IL1RAPL1: variants seen among roughly 807,000 people sequenced by gnomAD.
IL1RAPL1 encodes the protein interleukin-1 receptor accessory protein-like 1.
A neutral mutation model predicts 48.4 loss-of-function variants in IL1RAPL1; 3 were observed. The observed-to-expected ratio is 0.06, with a 90% CI of 0.03 to 0.16. IL1RAPL1 has a LOEUF of 0.16. IL1RAPL1 is among the 10% of genes least tolerant of loss of function. IL1RAPL1 has a pLI of 1.00. For synonymous variants in IL1RAPL1, 185 were observed against 187.7 expected (o/e 0.99, Z 0.12); for missense variants, 349 against 530.6 (o/e 0.66, Z 3.36).
chrX:28,650,490 C>T (rs1403799493), intron 1 of IL1RAPL1, among the ~76,000 whole-genome samples: 2 of 111,476 alleles, frequency 1.8e-5, no homozygotes, highest in African/African-American at 3.3e-5. Context: ...AAGACCTGCC[C>T]CCATGATTCA....
chrX:28,621,027 A>G (rs1306400677), intron 1 of IL1RAPL1, among the ~76,000 whole-genome samples: 1 of 112,102 alleles, frequency 8.9e-6, no homozygotes, highest in Non-Finnish European at 1.9e-5. Context: ...ACAAGGCCTC[A>G]TTAAGTGTTT....
chrX:28,895,865 C>G (rs1418788125), intron 2 of IL1RAPL1, among the ~76,000 whole-genome samples: 1 of 112,110 alleles, frequency 8.9e-6, no homozygotes, highest in Admixed American at 9.4e-5. Context: ...AGCTGCTAAG[C>G]CGAGAAGATC....
chrX:29,099,146 G>A (rs1248619832), intron 2 of IL1RAPL1, among the ~76,000 whole-genome samples: 1 of 100,539 alleles, frequency 9.9e-6, no homozygotes, highest in Non-Finnish European at 2.0e-5. Flanking sequence ...GAGTGAAACT[G>A]CGTCTCAAAC....
chrX:29,612,283 C>T (rs778327458), intron 5 of IL1RAPL1, among the ~76,000 whole-genome samples: 46 of 110,374 alleles, frequency 4.2e-4, no homozygotes, highest in Middle Eastern at 4.7e-3. Context: ...TTAGAGTTAC[C>T]GATGACAGCC....
At chrX:29,111,281 A>G (rs1202386609) in intron 2 of IL1RAPL1, among the ~76,000 whole-genome samples, 2 of 111,966 alleles carry the variant, frequency 1.8e-5, no homozygotes, top group East Asian at 5.6e-4. Context: ...GTTTCACTAA[A>G]TACATACGTG....
At chrX:29,564,045 C>A (rs1922322770) in intron 5 of IL1RAPL1, among the ~76,000 whole-genome samples, 1 of 111,273 alleles carries the variant, frequency 9.0e-6, no homozygotes, top group Non-Finnish European at 1.9e-5. Flanking sequence ...AAAAATTAAT[C>A]TTATTCTCAT....
intron 6 of IL1RAPL1, among the ~76,000 whole-genome samples, chrX:29,701,822 A>G (rs1231160642): frequency 9.0e-6 from 1 of 111,322 alleles, no homozygotes; most frequent in African/African-American, 3.3e-5. Context: ...AGGGGAAGAG[A>G]GAGAAAGAGT....
In IL1RAPL1 at chrX:29,046,985, G is replaced by T. The variant is rs904403654; in HGVS notation, c.83-235953G>T. On this transcript the variant is annotated intron_variant, in intron 2 of 10. Transcript: ENST00000378993. Reference sequence around the variant, plus strand: ...AAGATATACCAAAGGATGTATCCAAGAACCCAGAACTTCTGGATGGAAGGT... The same window carrying T: ...AAGATATACCAAAGGATGTATCCAATAACCCAGAACTTCTGGATGGAAGGT... Among the ~76,000 whole-genome samples, 4 of 112,003 alleles carry T rather than the reference G, an allele frequency of 3.6e-5. No individual in the cohort carries two copies. In the Admixed American group the frequency reaches 3.8e-4, roughly 11 times the overall value.
intron 6 of IL1RAPL1, among the ~76,000 whole-genome samples, chrX:29,691,322 T>A (rs1926764975): frequency 9.0e-6 from 1 of 111,555 alleles, no homozygotes; most frequent in African/African-American, 3.3e-5. Context: ...GAAGGGGAAT[T>A]GCACTTGTCT....
intron 2 of IL1RAPL1, among the ~76,000 whole-genome samples, chrX:29,135,434 A>C (rs919864565): frequency 5.4e-5 from 6 of 111,883 alleles, no homozygotes; most frequent in Non-Finnish European, 9.4e-5. Context: ...TTCTCTCCTA[A>C]GCTAATCTTA....
At chrX:29,853,889 A>G (rs1447618381) in intron 6 of IL1RAPL1, among the ~76,000 whole-genome samples, 5 of 112,197 alleles carry the variant, frequency 4.5e-5, no homozygotes, top group African/African-American at 1.6e-4. Flanking sequence ...TAATTAGAGG[A>G]AAACCAATAA....
chrX:28,738,339 G>T (rs1232538777), intron 1 of IL1RAPL1, among the ~76,000 whole-genome samples: 1 of 111,723 alleles, frequency 9.0e-6, no homozygotes, highest in Non-Finnish European at 1.9e-5. Flanking sequence ...CTTATTATGG[G>T]CCATGCACTG....
At chrX:28,788,979 A>G (rs1259473252) in intron 1 of IL1RAPL1, among the ~76,000 whole-genome samples, 3 of 111,794 alleles carry the variant, frequency 2.7e-5, no homozygotes, top group African/African-American at 9.7e-5. Context: ...GATTTTTATT[A>G]AGATAAATTG....
intron 1 of IL1RAPL1, among the ~76,000 whole-genome samples, chrX:28,665,622 C>G (rs1260766041): frequency 9.1e-6 from 1 of 110,396 alleles, no homozygotes; most frequent in African/African-American, 3.3e-5. Context: ...TCCTGTGGAA[C>G]TGGGATTACA....
rs764446879 is a variant in IL1RAPL1 at position 29,602,510 on chromosome X, A to G, written c.704-65920A>G. Among the ~76,000 whole-genome samples, 5 of 112,457 alleles carry G rather than the reference A, an allele frequency of 4.4e-5. No homozygotes were observed. The South Asian group carries it at 1.5e-3, about 33-fold the overall frequency. ...GAGTTTTTGTTTATGTAAATATTGT[A>G]TTGTCACTTTGATTAATAGGCAGCC... On this transcript the variant is annotated intron_variant, in intron 5 of 10. Transcript: ENST00000378993.
intron 5 of IL1RAPL1, among the ~76,000 whole-genome samples, chrX:29,646,500 A>G (rs867577641): frequency 3.6e-5 from 4 of 111,659 alleles, no homozygotes; most frequent in Non-Finnish European, 1.9e-5. Context: ...GACATTTAAG[A>G]GGAAACAAAG....
intron 1 of IL1RAPL1, among the ~76,000 whole-genome samples, chrX:28,764,389 A>G (rs1428958548): frequency 9.0e-6 from 1 of 111,635 alleles, no homozygotes; most frequent in East Asian, 2.8e-4. Context: ...GCATCTTATG[A>G]TGCTATGCTA....
intron 2 of IL1RAPL1, among the ~76,000 whole-genome samples, chrX:29,243,470 C>T (rs1050933523): frequency 8.9e-6 from 1 of 111,785 alleles, no homozygotes. Flanking sequence ...GCATGGCATA[C>T]TGTCACCCTC....
intron 2 of IL1RAPL1, among the ~76,000 whole-genome samples, chrX:29,150,362 T>C (rs913705924): frequency 9.0e-6 from 1 of 111,667 alleles, no homozygotes; most frequent in African/African-American, 3.3e-5. Flanking sequence ...TAAGTAATGA[T>C]AATAACAAAA....
Sources: gnomAD v4.1 joint callset for allele counts (sites outside exome capture counted in the v4.1 genomes callset) on GRCh38, gnomAD v4.1.1 for gene constraint, MANE v1.5 for transcripts, NCBI Gene and HGNC (gene_info 2026-07-23, HGNC 2026-07-21) for gene names.